Variants in LURAP1L observed in about 807,000 individuals in gnomAD.
LURAP1L encodes leucine rich adaptor protein 1-like.
In LURAP1L, 12 loss-of-function variants were observed where a neutral mutation model predicts 13.8. The ratio of observed to expected loss-of-function variants is 0.87; its 90% CI spans 0.56 to 1.41. LURAP1L has a LOEUF of 1.41. Among genes scored for constraint, LURAP1L ranks in the 40% most tolerant of loss-of-function variants. The pLI, the probability that LURAP1L is intolerant of heterozygous loss-of-function variation, is 0.00. For missense variants in LURAP1L, 375 were observed against 292.9 expected (o/e 1.28, Z -2.04); for synonymous variants, 139 against 119.2 (o/e 1.17, Z -1.08).
At chr9:12,814,591 T>C (rs1819780063) in intron 1 of LURAP1L, among the ~76,000 whole-genome samples, 1 of 152,160 alleles carries the variant, frequency 6.6e-6, no homozygotes, top group Non-Finnish European at 1.5e-5. Context: ...ACTTTGGCAA[T>C]CAGATGACTC....
At position 12,821,593 on chromosome 9, in the gene LURAP1L, C is replaced by G; in HGVS notation, c.520C>G (p.Leu174Val). ...YNSLHDGSDG[L>V]DGISVGSYLD... The stretch of plus-strand genomic sequence containing the variant: ...CAGCCTACACGATGGCAGTGATGGG[C>G]TGGATGGCATTTCCGTGGGAAGTTA... The change falls in exon 2 of 2, where the codon CTG becomes GTG. Residue 174 changes from leucine to valine, a missense_variant. By Grantham distance (32) the Leu-to-Val change is conservative (BLOSUM62 1). Coordinates refer to ENST00000319264, the MANE Select transcript of LURAP1L (RefSeq NM_203403.2). The G allele has an allele frequency of 6.2e-7, 1 of 1,614,156 alleles. No homozygotes were observed. The highest frequency in any genetic ancestry group is 8.5e-7 in the Non-Finnish European group (1 of 1,180,034).
chr9:12,780,280 C>A (rs1819251575), intron 1 of LURAP1L, among the ~76,000 whole-genome samples: 1 of 152,134 alleles, frequency 6.6e-6, no homozygotes, highest in South Asian at 2.1e-4. Flanking sequence ...ATCAGTTGCA[C>A]AGCACTGTGT....
intron 1 of LURAP1L, among the ~76,000 whole-genome samples, chr9:12,804,358 T>G (rs192558495): frequency 6.6e-6 from 1 of 151,730 alleles, no homozygotes; most frequent in East Asian, 1.9e-4. Flanking sequence ...TTTTTTTTTT[T>G]TTTTGAGACA....
chr9:12,803,468 T>C (rs1464837898), intron 1 of LURAP1L, among the ~76,000 whole-genome samples: 1 of 152,228 alleles, frequency 6.6e-6, no homozygotes, highest in Non-Finnish European at 1.5e-5. Context: ...CAATGGGTAG[T>C]TAAGTCACAG....
intron 1 of LURAP1L, among the ~76,000 whole-genome samples, chr9:12,779,550 G>A (rs1254578216): frequency 6.6e-6 from 1 of 152,058 alleles, no homozygotes; most frequent in African/African-American, 2.4e-5. Flanking sequence ...GATTACAGGC[G>A]TGAGCCACCG....
intron 1 of LURAP1L, among the ~76,000 whole-genome samples, chr9:12,798,232 T>C (rs1486382637): frequency 6.6e-6 from 1 of 152,178 alleles, no homozygotes; most frequent in Admixed American, 6.5e-5. Context: ...TCTGGACATG[T>C]CCTGATGAGC....
chr9:12,779,191 G>T (rs1320848919), intron 1 of LURAP1L, among the ~76,000 whole-genome samples: 1 of 151,054 alleles, frequency 6.6e-6, no homozygotes, highest in African/African-American at 2.4e-5. Context: ...GGTTACTTTG[G>T]TGAGACTTTA....
chr9:12,786,563 T>TATAC (rs1554657243), intron 1 of LURAP1L, among the ~76,000 whole-genome samples: 1 of 120,800 alleles, frequency 8.3e-6, no homozygotes, highest in Admixed American at 8.0e-5. Context: ...TATATATATA[T>TATAC]ATATATATAT....
In LURAP1L at chr9:12,786,675, G is replaced by A. The variant is rs542380259; in HGVS notation, c.312+10648G>A. 2.2e-4 allele frequency among the ~76,000 whole-genome samples: 33 copies of A among 148,976 alleles called. No homozygotes were observed. The South Asian group carries it at 3.2e-3, about 14-fold the overall frequency. ...AAATTTGCTCATCTGGGATGCTCAT[G>A]ATAACAAAACAGATTCTGTTCTTAG... On this transcript the variant is annotated intron_variant, in intron 1 of 1. Transcript: ENST00000319264.
intron 1 of LURAP1L, among the ~76,000 whole-genome samples, chr9:12,796,048 G>A (rs1441686682): frequency 6.6e-6 from 1 of 151,934 alleles, no homozygotes; most frequent in Non-Finnish European, 1.5e-5. Flanking sequence ...TGGTTTCATA[G>A]TATCCTCTCA....
chr9:12,775,881 T>G lies in LURAP1L; in HGVS notation c.166T>G (p.Cys56Gly), dbSNP rs201963967. 3.1e-5 allele frequency: 45 copies of G among 1,437,960 alleles called. No individual in the cohort carries two copies. The highest frequency in any genetic ancestry group is 1.0e-4 in the Admixed American group (4 of 40,148). The allele number at this position is 1,437,960 out of a possible 1,614,324, so 89.1% of individuals were successfully genotyped here. The change falls in exon 1 of 2, where the codon TGC becomes GGC. Residue 56 changes from cysteine (C) to glycine (G), a missense_variant. Physicochemically the swap from Cys to Gly is radical, Grantham distance 159. Coordinates refer to ENST00000319264, the MANE Select transcript of LURAP1L (RefSeq NM_203403.2). ...SGGGGGGGGG[C>G]SSSSSYCSFP... ...TGGTGGTGGCGGCGGCGGCGGCGGC[T>G]GCAGTAGCAGCAGCAGCTACTGCAG...
intron 1 of LURAP1L, among the ~76,000 whole-genome samples, chr9:12,802,159 G>C (rs550166012): frequency 1.8e-4 from 27 of 152,220 alleles, no homozygotes; most frequent in African/African-American, 6.0e-4. Flanking sequence ...TTCCTTTGTT[G>C]TTATTAGTAC....
At chr9:12,799,008 A>G (rs772951308) in intron 1 of LURAP1L, among the ~76,000 whole-genome samples, 5 of 152,170 alleles carry the variant, frequency 3.3e-5, no homozygotes, top group Non-Finnish European at 5.9e-5. Context: ...ATCCAGTCCT[A>G]AACTGTCATC....
intron 1 of LURAP1L, among the ~76,000 whole-genome samples, chr9:12,789,384 C>A (rs1303302826): frequency 6.6e-6 from 1 of 152,126 alleles, no homozygotes; most frequent in South Asian, 2.1e-4. Flanking sequence ...TTTTTCTACC[C>A]TTTCTCTTTC....
At chr9:12,790,234 T>C (rs1819421727) in intron 1 of LURAP1L, among the ~76,000 whole-genome samples, 1 of 152,162 alleles carries the variant, frequency 6.6e-6, no homozygotes, top group Non-Finnish European at 1.5e-5. Context: ...AGGCTCCCTC[T>C]CTTATCTTGG....
rs528538795 is a variant in LURAP1L, at chr9:12,779,487, G to C, written c.312+3460G>C. ...GACAGGGTTTCACCGTGTTAGCTAG[G>C]ATGGTCTCTATCTCCTGACCTCGTG... On this transcript the variant is annotated intron_variant, in intron 1 of 1. Transcript: ENST00000319264. 2.0e-5 allele frequency among the ~76,000 whole-genome samples: 3 copies of C among 152,178 alleles called. No individual in the cohort carries two copies. The South Asian group carries it at 6.2e-4, about 32-fold the overall frequency.
chr9:12,802,566 C>G (rs1819601855), intron 1 of LURAP1L, among the ~76,000 whole-genome samples: 1 of 152,144 alleles, frequency 6.6e-6, no homozygotes, highest in Non-Finnish European at 1.5e-5. Context: ...TCCTGTGCAG[C>G]CTTCGGAACC....
intron 1 of LURAP1L, among the ~76,000 whole-genome samples, chr9:12,812,677 A>C (rs1234228373): frequency 6.6e-6 from 1 of 152,232 alleles, no homozygotes. Flanking sequence ...GCATTTGAGT[A>C]GAAAAGATGT....
chr9:12,796,263 A>C (rs1284408898), intron 1 of LURAP1L, among the ~76,000 whole-genome samples: 1 of 152,070 alleles, frequency 6.6e-6, no homozygotes, highest in Non-Finnish European at 1.5e-5. Flanking sequence ...TTTAAAGTAC[A>C]TAAAATATAA....
Sources: gnomAD v4.1 joint callset for allele counts (sites outside exome capture counted in the v4.1 genomes callset) on GRCh38, gnomAD v4.1.1 for gene constraint, MANE v1.5 for transcripts, NCBI Gene and HGNC (gene_info 2026-07-23, HGNC 2026-07-21) for gene names.